CACNA1C: variants seen among roughly 807,000 people sequenced by gnomAD.
CACNA1C encodes voltage-dependent L-type calcium channel subunit alpha-1C.
A neutral mutation model predicts 229.0 loss-of-function variants in CACNA1C; 30 were observed. The observed-to-expected ratio is 0.13, with a 90% CI of 0.10 to 0.18. The LOEUF is 0.18. CACNA1C is among the 10% of genes least tolerant of loss of function. The pLI, the probability that CACNA1C is intolerant of heterozygous loss-of-function variation, is 1.00. For synonymous variants in CACNA1C, 1,114 were observed against 1,132.5 expected, an observed-to-expected ratio of 0.98 and a Z score of 0.33; for missense variants, 1,658 against 2,845.0, an observed-to-expected ratio of 0.58 and a Z score of 9.49.
Position 2,319,021 on chromosome 12 carries a change from A to G in CACNA1C, c.478-129955A>G, listed in dbSNP as rs548691260. Among the ~76,000 whole-genome samples the G allele has an allele frequency of 1.5e-4, 23 of 152,134 alleles. No individual in the cohort carries two copies. The highest frequency in any genetic ancestry group is 4.6e-4 in the Admixed American group (7 of 15,290). ...TCAGAGTTGAGCTCCTTTTCTGACA[A>G]TAGTGGTGTTTCCAAGGACCAATCT... On this transcript the variant is annotated intron_variant, in intron 3 of 46. Coordinates refer to ENST00000399655, the MANE Select transcript of CACNA1C (RefSeq NM_000719.7). The surrounding 1 kb of genome is among the most constrained non-coding windows in gnomAD (Gnocchi z 4.0).
At chr12:2,553,863 C>T (rs918082722) in intron 10 of CACNA1C, among the ~76,000 whole-genome samples, 1 of 152,216 alleles carries the variant, frequency 6.6e-6, no homozygotes, top group Non-Finnish European at 1.5e-5. Flanking sequence ...CATCTGAGCT[C>T]AGCACCCAGG....
At chr12:2,022,722 G>A (rs895419826) in intron 1 of CACNA1C, among the ~76,000 whole-genome samples, 2 of 152,160 alleles carry the variant, frequency 1.3e-5, no homozygotes, top group African/African-American at 4.8e-5. Context: ...TGAGATTACA[G>A]GCATGAGCCA....
intron 3 of CACNA1C, chr12:2,269,885 G>A (rs2084081280): frequency 6.6e-6 from 1 of 152,330 alleles, no homozygotes; most frequent in Admixed American, 6.5e-5. Flanking sequence ...GGAGGACCAT[G>A]AGGGAGAAAC....
chr12:2,686,189 G>A lies in CACNA1C; in HGVS notation c.5704G>A (p.Glu1902Lys), dbSNP rs1190891038. 1 of 1,613,986 alleles carries A rather than the reference G, an allele frequency of 6.2e-7. No individual in the cohort carries two copies. The highest frequency in any genetic ancestry group is 2.2e-5 in the East Asian group (1 of 44,888). ...SLGRRASFHLECLKRQKDRGG... is the reference protein window; with the variant it reads ...SLGRRASFHLKCLKRQKDRGG... Reference sequence around the variant, plus strand: ...AGGTCGAAGGGCCTCCTTCCACCTGGAATGTCTGAAGCGACAGAAGGACCG... The same window carrying A: ...AGGTCGAAGGGCCTCCTTCCACCTGAAATGTCTGAAGCGACAGAAGGACCG... Residue 1902 changes from glutamate (E) to lysine (K), a missense_variant, in exon 45 of 47, where the codon GAA (glutamate) becomes AAA (lysine). Transcript: ENST00000399655.
rs1210969798 is a variant in CACNA1C at position 2,639,103 on chromosome 12, C to A, written c.3912+4723C>A. ...GTGTCACAAGAGGACCGTCTTCAGG[C>A]CCCCTCGTGCGGTCATGCTGAATTC... On this transcript the variant is annotated intron_variant, in intron 30 of 46. Transcript: ENST00000399655. This position sits in a 1 kb window ranked among gnomAD's most constrained non-coding sequence, Gnocchi z 4.2. Among the ~76,000 whole-genome samples, 1 of 152,230 alleles carries A rather than the reference C, an allele frequency of 6.6e-6. No homozygotes were observed. The highest frequency in any genetic ancestry group is 1.5e-5 in the Non-Finnish European group (1 of 68,048).
intron 5 of CACNA1C, among the ~76,000 whole-genome samples, chr12:2,482,521 T>C (rs2099680350): frequency 6.6e-6 from 1 of 152,228 alleles, no homozygotes. Flanking sequence ...CCTAGGTTGT[T>C]GCCGGGAGGA....
intron 3 of CACNA1C, among the ~76,000 whole-genome samples, chr12:2,435,038 C>T (rs1026156098): frequency 2.6e-5 from 4 of 152,144 alleles, no homozygotes; most frequent in Admixed American, 6.5e-5. Flanking sequence ...ACTCTTCCTG[C>T]GATCCTGGAG....
chr12:1,990,984 CAA>C (rs58516806), intron 1 of CACNA1C: 15,569 of 316,926 alleles, frequency 0.049, 126 homozygotes, highest in Middle Eastern at 0.073. Flanking sequence ...ATAGAAAGGA[CAA>C]AAAAAAAAAA....
chr12:2,426,716 G>T (rs2099035750), intron 3 of CACNA1C, among the ~76,000 whole-genome samples: 1 of 152,256 alleles, frequency 6.6e-6, no homozygotes, highest in Non-Finnish European at 1.5e-5. Flanking sequence ...TTGGTTTGGT[G>T]TTCAAGTGTC....
At chr12:2,510,971 A>G (rs2099782482) in intron 8 of CACNA1C, among the ~76,000 whole-genome samples, 2 of 152,216 alleles carry the variant, frequency 1.3e-5, no homozygotes, top group South Asian at 4.1e-4. Context: ...CTCTATGATC[A>G]TCCCCAGAAG....
At chr12:2,100,582 C>CGAAA (rs773969228) in intron 1 of CACNA1C, among the ~76,000 whole-genome samples, 2 of 66,468 alleles carry the variant, frequency 3.0e-5, no homozygotes, top group African/African-American at 1.1e-4. Context: ...CTGTTTCTAC[C>CGAAA]AAAAAAAAAA....
In CACNA1C at chr12:2,691,200, T is replaced by G; in HGVS notation, c.*1T>G. On this transcript the variant is annotated 3_prime_UTR_variant, in exon 47 of 47. Transcript: ENST00000399655. ...CAGGGTCTACGTCAGCAGCCTGTAGTGGGCGCTGCCAGATGCGGGCTTTTT... is the reference window on the plus strand; with the variant it reads ...CAGGGTCTACGTCAGCAGCCTGTAGGGGGCGCTGCCAGATGCGGGCTTTTT... 1 of 1,543,172 alleles carries G rather than the reference T, an allele frequency of 6.5e-7. No individual in the cohort carries two copies. The highest frequency in any genetic ancestry group is 8.7e-7 in the Non-Finnish European group (1 of 1,146,972).
chr12:2,085,538 C>A (rs907996581), intron 1 of CACNA1C, among the ~76,000 whole-genome samples: 6 of 152,310 alleles, frequency 3.9e-5, no homozygotes, highest in African/African-American at 1.4e-4. Context: ...GCTTTCTTCT[C>A]ACTCCACAGC....
chr12:2,457,240 G>A (rs1054857469), intron 4 of CACNA1C, among the ~76,000 whole-genome samples: 2 of 152,212 alleles, frequency 1.3e-5, no homozygotes, highest in Non-Finnish European at 2.9e-5. Context: ...GCTCCTCAAG[G>A]AGATAAGGAC....
chr12:2,151,402 GTC>G (rs1447233159), intron 3 of CACNA1C, among the ~76,000 whole-genome samples: 2 of 151,504 alleles, frequency 1.3e-5, no homozygotes, highest in African/African-American at 4.9e-5. Context: ...TAGGAGGGGT[GTC>G]TGACTGAGGA....
At chr12:2,531,306 C>T (rs2099840534) in intron 9 of CACNA1C, among the ~76,000 whole-genome samples, 2 of 152,098 alleles carry the variant, frequency 1.3e-5, no homozygotes, top group Admixed American at 1.3e-4. Context: ...GAATCATGAG[C>T]CTGGTGATAG....
chr12:2,568,587 A>G (rs1421669594), intron 13 of CACNA1C, among the ~76,000 whole-genome samples: 1 of 152,248 alleles, frequency 6.6e-6, no homozygotes, highest in East Asian at 1.9e-4. Context: ...ATTCAGTCTT[A>G]AAAAGGAAGG....
At chr12:2,197,066 T>C (rs908379661) in intron 3 of CACNA1C, among the ~76,000 whole-genome samples, 1 of 152,174 alleles carries the variant, frequency 6.6e-6, no homozygotes, top group Non-Finnish European at 1.5e-5. Context: ...AGAGCCTGGC[T>C]TTCCACGAGG....
Position 2,653,079 on chromosome 12 carries a change from C to T in CACNA1C, c.4075-756C>T, listed in dbSNP as rs950968229. On this transcript the variant is annotated intron_variant, in intron 32 of 46. Coordinates refer to ENST00000399655, the MANE Select transcript of CACNA1C (RefSeq NM_000719.7). The surrounding 1 kb of genome is among the most constrained non-coding windows in gnomAD (Gnocchi z 4.7). ...GGGCCTCCCATCCTGGGGACCATGG[C>T]CTGTCCCCAGAAGTCACGGGGGCTC... Among the ~76,000 whole-genome samples, 2 of 152,232 alleles carry T rather than the reference C, an allele frequency of 1.3e-5. No homozygotes were observed. The highest frequency in any genetic ancestry group is 1.3e-4 in the Admixed American group (2 of 15,286).
Sources: gnomAD v4.1 joint callset for allele counts (sites outside exome capture counted in the v4.1 genomes callset) on GRCh38, gnomAD v4.1.1 for gene constraint, Gnocchi (gnomAD v3.1) non-coding constraint, MANE v1.5 for transcripts, NCBI Gene and HGNC (gene_info 2026-07-23, HGNC 2026-07-21) for gene names.